H6PD: variants seen among roughly 807,000 people sequenced by gnomAD.
H6PD encodes the protein GDH/6PGL endoplasmic bifunctional protein.
H6PD carries 48 observed loss-of-function variants against 61.2 expected under a neutral mutation model. The ratio of observed to expected loss-of-function variants is 0.78; its 90% CI spans 0.62 to 1.00. H6PD has a LOEUF of 1.00. Among genes scored for constraint, H6PD ranks in the 50% least tolerant of loss-of-function variants. The probability of loss-of-function intolerance (pLI) is 0.00; values close to 1 mark genes in which losing one functional copy is unlikely to be tolerated. For synonymous variants in H6PD, 480 were observed against 457.9 expected (o/e 1.05, Z -0.62); for missense variants, 1,093 against 1,065.0 (o/e 1.03, Z -0.37).
At chr1:9,239,283 G>A (rs1640930173) in intron 1 of H6PD, among the ~76,000 whole-genome samples, 1 of 152,186 alleles carries the variant, frequency 6.6e-6, no homozygotes, top group African/African-American at 2.4e-5. Flanking sequence ...CTGGGCTCAA[G>A]TAGTCCTCCC....
At position 9,263,585 on chromosome 1, in the gene H6PD, G is replaced by A; in HGVS notation, c.1092G>A (p.Glu364=). The change falls in exon 5 of 5, where the codon GAG becomes GAA. Residue 364 remains glutamate (E), a synonymous_variant. Coordinates refer to ENST00000377403, the MANE Select transcript of H6PD (RefSeq NM_004285.4). The stretch of plus-strand genomic sequence containing the variant: ...TGATGTCTGGCAAAGCCTTGGACGA[G>A]AGAGTGGGCTACGCTCGGATCTTGT... The part of the protein sequence containing the change: ...FILMSGKALD[E]RVGYARILFK... The A allele has an allele frequency of 6.2e-7, 1 of 1,614,212 alleles. No individual in the cohort carries two copies. The highest frequency in any genetic ancestry group is 8.5e-7 in the Non-Finnish European group (1 of 1,180,002).
intron 1 of H6PD, among the ~76,000 whole-genome samples, 181 bp downstream of exon 1, chr1:9,235,247 G>A (rs1450517294): frequency 6.6e-6 from 1 of 152,072 alleles, no homozygotes; most frequent in Non-Finnish European, 1.5e-5. Context: ...CGCCCCGAGC[G>A]GCCGAGCTGT....
chr1:9,240,302 G>A (rs984492117), intron 1 of H6PD, among the ~76,000 whole-genome samples: 2 of 152,100 alleles, frequency 1.3e-5, no homozygotes, highest in African/African-American at 2.4e-5. Flanking sequence ...GCTGAATGAC[G>A]CACAGTTCTC....
At position 9,265,286 on chromosome 1, in the gene H6PD, G is replaced by A. The variant is rs79769497; in HGVS notation, c.*417G>A. ...GGAGGTGATCCTTGAACTGGCTCCC[G>A]GGGAACATTCAGAGCATGATTGGTA... On this transcript the variant is annotated 3_prime_UTR_variant, in exon 5 of 5. Coordinates refer to ENST00000377403, the MANE Select transcript of H6PD (RefSeq NM_004285.4). 1,021 of 352,220 alleles carry A rather than the reference G, an allele frequency of 2.9e-3. 9 individuals carry two copies. The highest frequency in any genetic ancestry group is 0.02 in the African/African-American group (959 of 47,038). 21.8% of individuals were successfully genotyped at this position (352,220 alleles called of 1,614,324 possible). A position where few individuals can be genotyped will look rare whatever the true frequency, so the allele number is the denominator to read the frequency against.
At chr1:9,238,874 A>G (rs1353818194) in intron 1 of H6PD, among the ~76,000 whole-genome samples, 1 of 152,144 alleles carries the variant, frequency 6.6e-6, no homozygotes, top group Non-Finnish European at 1.5e-5. Context: ...CTTTGCCTAT[A>G]TCTGTGGTGT....
At position 9,242,130 on chromosome 1, in the gene H6PD, C is replaced by T. The variant is rs139449071; in HGVS notation, c.-10-2795C>T. On this transcript the variant is annotated intron_variant, in intron 1 of 4. Coordinates refer to ENST00000377403, the MANE Select transcript of H6PD (RefSeq NM_004285.4). ...GAGAAAGGGAGCAGGAGGCGAGGACCGCGTGTTTGTTCTGATGCCCTCCTT... is the reference window on the plus strand; with the variant it reads ...GAGAAAGGGAGCAGGAGGCGAGGACTGCGTGTTTGTTCTGATGCCCTCCTT... Among the ~76,000 whole-genome samples the T allele has an allele frequency of 2.6e-3, 399 of 152,244 alleles. 1 individual carries two copies. The highest frequency in any genetic ancestry group is 8.8e-3 in the African/African-American group (365 of 41,536).
In H6PD at chr1:9,262,283, C is replaced by G; in HGVS notation, c.970C>G (p.Leu324Val). 4.4e-6 allele frequency: 7 copies of G among 1,609,152 alleles called. No homozygotes were observed. Among genetic ancestry groups the G allele is most frequent in the Non-Finnish European group, 5.9e-6 (7 of 1,177,818 alleles). Reference sequence around the variant, plus strand: ...TTACAGTGAGCAGGTGCGCAGAGAGCTGCAGAAGCCAGACAGCTTCCACAG... The same window carrying G: ...TTACAGTGAGCAGGTGCGCAGAGAGGTGCAGAAGCCAGACAGCTTCCACAG... ...QSYSEQVRRE[L>V]QKPDSFHSLT... Residue 324 changes from leucine (L) to valine (V), a missense_variant, in exon 4 of 5, where the codon CTG (leucine) becomes GTG (valine). By Grantham distance (32) the Leu-to-Val change is conservative. Coordinates refer to ENST00000377403, the MANE Select transcript of H6PD (RefSeq NM_004285.4).
In H6PD at chr1:9,264,265, G is replaced by A. The variant is rs1638466158; in HGVS notation, c.1772G>A (p.Gly591Glu). Residue 591 changes from glycine to glutamate, a missense_variant, in exon 5 of 5, where the codon GGG (glycine) becomes GAG (glutamate). By Grantham distance (98) the Gly-to-Glu change is moderately conservative. Transcript: ENST00000377403. ...GGCCAGTTCCACCTGGCACTGTCGGGGGGCTCGAGCCCCGTGGCCCTGTTC... is the reference window on the plus strand; with the variant it reads ...GGCCAGTTCCACCTGGCACTGTCGGAGGGCTCGAGCCCCGTGGCCCTGTTC... Reference protein sequence around the residue: ...RFGQFHLALSGGSSPVALFQQ... With the variant: ...RFGQFHLALSEGSSPVALFQQ... 3 of 1,610,066 alleles carry A rather than the reference G, an allele frequency of 1.9e-6. No homozygotes were observed. The highest frequency in any genetic ancestry group is 4.5e-5 in the East Asian group (2 of 44,790).
At position 9,263,983 on chromosome 1, in the gene H6PD, C is replaced by T. The variant is rs1317485473; in HGVS notation, c.1490C>T (p.Ala497Val). ...TPLLESLAHK[A>V]PRLYPGGAEN... ...CTGCTGGAGAGCCTGGCCCATAAGG[C>T]CCCACGCCTCTACCCTGGAGGAGCT... The change falls in exon 5 of 5, where the codon GCC becomes GTC. Residue 497 changes from alanine (A) to valine (V), a missense_variant. By Grantham distance (64) the Ala-to-Val change is moderately conservative. Transcript: ENST00000377403. The T allele has an allele frequency of 1.9e-6, 3 of 1,614,066 alleles. No individual in the cohort carries two copies. Among genetic ancestry groups the T allele is most frequent in the Non-Finnish European group, 2.5e-6 (3 of 1,180,024 alleles).
At chr1:9,250,444 C>T (rs548366229) in intron 3 of H6PD, among the ~76,000 whole-genome samples, 1 of 147,050 alleles carries the variant, frequency 6.8e-6, no homozygotes, top group Admixed American at 6.7e-5. Context: ...GCCATTCTCC[C>T]CCACTCCCCA....
At chr1:9,247,814 C>A (rs1327226253) in intron 3 of H6PD, among the ~76,000 whole-genome samples, 10 of 145,450 alleles carry the variant, frequency 6.9e-5, no homozygotes, top group South Asian at 2.1e-4. Flanking sequence ...CATGTCCTGT[C>A]GGTGAGGACA....
chr1:9,248,470 G>T (rs1362774667), intron 3 of H6PD, among the ~76,000 whole-genome samples: 1 of 152,086 alleles, frequency 6.6e-6, no homozygotes, highest in Non-Finnish European at 1.5e-5. Context: ...GGTGCTGTGG[G>T]GGGTGATGAT....
At chr1:9,257,153 T>C (rs1160544385) in intron 3 of H6PD, among the ~76,000 whole-genome samples, 3 of 152,048 alleles carry the variant, frequency 2.0e-5, no homozygotes, top group Non-Finnish European at 4.4e-5. Flanking sequence ...TCTTTTTTTT[T>C]TTTGAGACAG....
At chr1:9,236,037 T>A (rs1182956479) in intron 1 of H6PD, among the ~76,000 whole-genome samples, 1 of 152,196 alleles carries the variant, frequency 6.6e-6, no homozygotes, top group Non-Finnish European at 1.5e-5. Flanking sequence ...TTGCCCAAGC[T>A]GGAGTGCAAT....
rs146559713 is a variant in H6PD, at chr1:9,236,016, A to G, written c.-11+950A>G. Among the ~76,000 whole-genome samples, 656 of 152,060 alleles carry G rather than the reference A, an allele frequency of 4.3e-3. 5 individuals are homozygous for G. The highest frequency in any genetic ancestry group is 0.015 in the African/African-American group (638 of 41,470). ...TTTCCTTGGCATTTTTCTGTGGTTG[A>G]TGGTTAGTTGTTGCCCAAGCTGGAG... On this transcript the variant is annotated intron_variant, in intron 1 of 4. Transcript: ENST00000377403.
chr1:9,264,915 C>G lies in H6PD; in HGVS notation c.*46C>G. On this transcript the variant is annotated 3_prime_UTR_variant, in exon 5 of 5. Transcript: ENST00000377403. ...CGCTTCGCTCCTGTGCTTTCCTTCG[C>G]CCGTGTCTTCCCTCCCTTCTCGGCC... is the stretch of plus-strand genomic sequence containing the variant. 1 of 1,598,488 alleles carries G rather than the reference C, an allele frequency of 6.3e-7. No homozygotes were observed. Among genetic ancestry groups the G allele is most frequent in the Non-Finnish European group, 8.5e-7 (1 of 1,174,386 alleles).
intron 3 of H6PD, 126 bp downstream of exon 3, chr1:9,247,209 G>A: frequency 4.0e-6 from 3 of 753,274 alleles, no homozygotes; most frequent in Non-Finnish European, 4.7e-6. Context: ...AGCCTGCCGT[G>A]TGCCTAGCTC....
intron 1 of H6PD, chr1:9,242,475 C>G: frequency 3.6e-6 from 2 of 558,166 alleles, no homozygotes; most frequent in Non-Finnish European, 4.6e-6. Context: ...TAAAGGAGTG[C>G]TGGCAACATA....
At chr1:9,235,238 G>T (rs1425797857) in intron 1 of H6PD, among the ~76,000 whole-genome samples, 172 bp downstream of exon 1, 2 of 152,030 alleles carry the variant, frequency 1.3e-5, no homozygotes, top group African/African-American at 2.4e-5. Context: ...CTCCAGGGTC[G>T]CCCCGAGCGG....
Sources: allele counts gnomAD v4.1 joint callset (sites outside exome capture counted in the v4.1 genomes callset), GRCh38; gene constraint gnomAD v4.1.1; transcripts MANE v1.5; gene names NCBI Gene and HGNC (gene_info 2026-07-23, HGNC 2026-07-21).